The following URB2 variants were observed in gnomAD, a reference collection of about 807,000 sequenced individuals.
URB2 encodes the protein unhealthy ribosome biogenesis protein 2 homolog.
Under a neutral mutation model 120.9 loss-of-function variants are expected in URB2, and 86 were observed. The ratio of observed to expected loss-of-function variants is 0.71; its 90% CI spans 0.60 to 0.85. The LOEUF (loss-of-function observed/expected upper bound fraction) is 0.85, where lower values mean the gene tolerates loss of function less well. URB2 is among the 40% of genes least tolerant of loss of function. The pLI, the probability that URB2 is intolerant of heterozygous loss-of-function variation, is 0.00. For synonymous variants in URB2, 755 were observed against 758.4 expected (o/e 1.00, Z 0.07); for missense variants, 1,765 against 1,836.5 (o/e 0.96, Z 0.71).
chr1:229,646,800 C>T (rs1330601788), intron 6 of URB2, among the ~76,000 whole-genome samples: 2 of 152,120 alleles, frequency 1.3e-5, no homozygotes, highest in African/African-American at 4.8e-5. Context: ...CACTTAGGTG[C>T]GAAGGAGCAG....
intron 2 of URB2, among the ~76,000 whole-genome samples, chr1:229,630,712 G>C (rs1665635882): frequency 6.6e-6 from 1 of 152,158 alleles, no homozygotes; most frequent in Admixed American, 6.5e-5. Flanking sequence ...TGGTAGCTGG[G>C]CACAGTGGCT....
Position 229,636,124 on chromosome 1 carries a change from A to G in URB2, c.1511A>G (p.Glu504Gly). 6.2e-7 allele frequency: 1 copy of G among 1,614,228 alleles called. No individual in the cohort carries two copies. The highest frequency in any genetic ancestry group is 8.5e-7 in the Non-Finnish European group (1 of 1,180,050). The change falls in exon 4 of 10, where the codon GAG becomes GGG. Residue 504 changes from glutamate (E) to glycine (G), a missense_variant. Physicochemically the swap from Glu to Gly is moderately conservative, Grantham distance 98. Transcript: ENST00000258243. The stretch of plus-strand genomic sequence containing the variant: ...ACGGTACTCTCTGCATGCCTCCTGG[A>G]GCTGCCTCCAAGTCAGATCCTGGAC... ...PSTVLSACLL[E>G]LPPSQILDTW...
rs770122990 is a variant in URB2 at position 229,637,667 on chromosome 1, C to T, written c.3054C>T (p.Ser1018=). ...AGATGCTCATCCAAATGAAGCTGAGCTTGGTGCTCAATTTTAGAAAAATCA... is the reference window on the plus strand; with the variant it reads ...AGATGCTCATCCAAATGAAGCTGAGTTTGGTGCTCAATTTTAGAAAAATCA... ...LMQMLIQMKL[S]LVLNFRKITA... The change falls in exon 4 of 10, where the codon AGC becomes AGT. Residue 1018 remains serine (S), a synonymous_variant. Transcript: ENST00000258243. The T allele has an allele frequency of 6.2e-7, 1 of 1,614,250 alleles. No individual in the cohort carries two copies. Among genetic ancestry groups the T allele is most frequent in the Non-Finnish European group, 8.5e-7 (1 of 1,180,042 alleles).
intron 4 of URB2, among the ~76,000 whole-genome samples, chr1:229,638,948 G>A (rs1665930639): frequency 1.3e-5 from 2 of 152,122 alleles, no homozygotes. Context: ...ATCCTTAGTA[G>A]GTTCTTATGT....
At chr1:229,645,042 T>C (rs1272697892) in intron 5 of URB2, among the ~76,000 whole-genome samples, 2 of 152,146 alleles carry the variant, frequency 1.3e-5, no homozygotes, top group African/African-American at 2.4e-5. Flanking sequence ...TCCCAGCACT[T>C]TGGGAGGCCA....
In URB2 at chr1:229,654,324, G is replaced by C. The variant is rs149776019; in HGVS notation, c.4313G>C (p.Arg1438Pro). Reference protein sequence around the residue: ...VERMYSHIAARAEEFAVFSPF... With the variant: ...VERMYSHIAAPAEEFAVFSPF... Reference sequence around the variant, plus strand: ...AGAATGTACAGCCACATCGCCGCACGAGCTGAGGAGTTTGCTGTGTTTTCC... The same window carrying C: ...AGAATGTACAGCCACATCGCCGCACCAGCTGAGGAGTTTGCTGTGTTTTCC... Residue 1438 changes from arginine (R) to proline (P), a missense_variant, in exon 9 of 10, where the codon CGA (arginine) becomes CCA (proline). Transcript: ENST00000258243. 6.2e-6 allele frequency: 10 copies of C among 1,614,190 alleles called. No individual in the cohort carries two copies. Among genetic ancestry groups the C allele is most frequent in the Non-Finnish European group, 8.5e-6 (10 of 1,180,040 alleles).
Position 229,632,374 on chromosome 1 carries a change from T to C in URB2, c.232T>C (p.Leu78=), listed in dbSNP as rs1232222565. ...GCTTTGGATCTATATAGATAACATT[T>C]TACATAGCAGAAAATTGCAGAATCT... The part of the protein sequence containing the change: ...ERLWIYIDNI[L]HSRKLQNLLK... Residue 78 remains leucine (L), a synonymous_variant, in exon 3 of 10, where the codon TTA becomes CTA. Transcript: ENST00000258243. The C allele has an allele frequency of 6.3e-7, 1 of 1,587,264 alleles. No individual in the cohort carries two copies. The highest frequency in any genetic ancestry group is 1.4e-5 in the African/African-American group (1 of 73,380).
chr1:229,635,452 C>A lies in URB2; in HGVS notation c.839C>A (p.Thr280Asn), dbSNP rs1183342670. 6.2e-7 allele frequency: 1 copy of A among 1,612,916 alleles called. No homozygotes were observed. Among genetic ancestry groups the A allele is most frequent in the East Asian group, 2.2e-5 (1 of 44,874 alleles). ...AMKNLLAPMD[T>N]VLNRLVDAGY... ...AAGAACCTTCTGGCTCCCATGGACA[C>A]CGTGCTTAACAGGCTGGTTGATGCT... Residue 280 changes from threonine to asparagine, a missense_variant, in exon 4 of 10, where the codon ACC becomes AAC. Thr to Asn is a moderately conservative substitution (Grantham distance 65, BLOSUM62 0). Transcript: ENST00000258243.
At chr1:229,645,592 G>A (rs550945615) in intron 5 of URB2, among the ~76,000 whole-genome samples, 2 of 152,250 alleles carry the variant, frequency 1.3e-5, no homozygotes, top group African/African-American at 4.8e-5. Context: ...GCCGATTTAC[G>A]TGCTTGATTT....
At position 229,632,278 on chromosome 1, in the gene URB2, G is replaced by A. The variant is rs1286091094; in HGVS notation, c.136G>A (p.Asp46Asn). The change falls in exon 3 of 10, where the codon GAT becomes AAT. Residue 46 changes from aspartate to asparagine, a missense_variant. Transcript: ENST00000258243. The part of the protein sequence containing the change: ...FLPNKEQVLL[D>N]WARQSLVAFY... Reference sequence around the variant, plus strand: ...TGTCCTTCAAATTCAGGTGTTACTTGATTGGGCAAGACAATCATTGGTTGC... The same window carrying A: ...TGTCCTTCAAATTCAGGTGTTACTTAATTGGGCAAGACAATCATTGGTTGC... The A allele has an allele frequency of 6.5e-7, 1 of 1,548,558 alleles. No homozygotes were observed. The highest frequency in any genetic ancestry group is 1.4e-5 in the African/African-American group (1 of 70,902).
chr1:229,645,301 G>A (rs1285561046), intron 5 of URB2, among the ~76,000 whole-genome samples: 1 of 139,210 alleles, frequency 7.2e-6, no homozygotes, highest in Non-Finnish European at 1.6e-5. Flanking sequence ...AAAAAAAAAA[G>A]TTAAATTCTG....
chr1:229,657,280 T>C (rs976609189), intron 9 of URB2, among the ~76,000 whole-genome samples: 1 of 152,212 alleles, frequency 6.6e-6, no homozygotes, highest in Admixed American at 6.5e-5. Context: ...AACCTAAAGA[T>C]TTAAAGTGGT....
chr1:229,645,499 C>A (rs1350027385), intron 5 of URB2, among the ~76,000 whole-genome samples: 1 of 152,152 alleles, frequency 6.6e-6, no homozygotes, highest in Non-Finnish European at 1.5e-5. Context: ...CAGCCAGTGT[C>A]CTCTGCGTGG....
chr1:229,642,378 A>G (rs1400661952), intron 4 of URB2, among the ~76,000 whole-genome samples: 1 of 152,204 alleles, frequency 6.6e-6, no homozygotes, highest in Non-Finnish European at 1.5e-5. Flanking sequence ...TCATGGGTCC[A>G]GGGTTTTACA....
intron 9 of URB2, among the ~76,000 whole-genome samples, chr1:229,658,360 A>G (rs1156839603): frequency 6.6e-6 from 1 of 151,942 alleles, no homozygotes; most frequent in Non-Finnish European, 1.5e-5. Flanking sequence ...TGCCACCCAC[A>G]CTCCTGTGCT....
chr1:229,648,059 T>G (rs779586113), intron 7 of URB2, among the ~76,000 whole-genome samples: 1 of 152,148 alleles, frequency 6.6e-6, no homozygotes, highest in Non-Finnish European at 1.5e-5. Context: ...ACTTTTAGAG[T>G]GCTGACATCA....
intron 7 of URB2, among the ~76,000 whole-genome samples, chr1:229,648,373 A>C (rs1666200332): frequency 1.3e-5 from 2 of 152,220 alleles, no homozygotes; most frequent in Non-Finnish European, 2.9e-5. Flanking sequence ...AAGCTCATTA[A>C]AAATTACTCT....
intron 6 of URB2, among the ~76,000 whole-genome samples, chr1:229,646,801 G>A (rs1030150617): frequency 4.6e-5 from 7 of 152,196 alleles, no homozygotes; most frequent in Admixed American, 2.6e-4. Context: ...ACTTAGGTGC[G>A]AAGGAGCAGT....
intron 6 of URB2, 75 bp from the exon 7 acceptor site, chr1:229,647,435 C>T: frequency 6.5e-7 from 1 of 1,534,900 alleles, no homozygotes; most frequent in Non-Finnish European, 8.8e-7. Context: ...ACCTCAGTCA[C>T]TCAGAGCTGC....
Sources: gnomAD v4.1 joint callset for allele counts (sites outside exome capture counted in the v4.1 genomes callset) on GRCh38, gnomAD v4.1.1 for gene constraint, MANE v1.5 for transcripts, NCBI Gene and HGNC (gene_info 2026-07-23, HGNC 2026-07-21) for gene names.